LRRC49: variants seen among roughly 807,000 people sequenced by gnomAD.
LRRC49 encodes the protein leucine-rich repeat-containing protein 49.
In LRRC49, 50 loss-of-function variants were observed where a neutral mutation model predicts 83.3. The ratio of observed to expected loss-of-function variants is 0.60; its 90% confidence interval spans 0.48 to 0.76. The LOEUF is 0.76. LRRC49 is among the 30% of genes least tolerant of loss of function. The pLI, the probability that LRRC49 is intolerant of heterozygous loss-of-function variation, is 0.00. For missense variants in LRRC49, 704 were observed against 809.1 expected, an observed-to-expected ratio of 0.87 and a Z score of 1.58; for synonymous variants, 286 against 283.3, an observed-to-expected ratio of 1.01 and a Z score of -0.10.
intron 8 of LRRC49, among the ~76,000 whole-genome samples, chr15:70,953,604 A>G (rs2036296111): frequency 6.6e-6 from 1 of 152,096 alleles, no homozygotes; most frequent in Admixed American, 6.5e-5. Flanking sequence ...TTTGGGGATG[A>G]TCATCTTGCA....
intron 8 of LRRC49, among the ~76,000 whole-genome samples, chr15:70,962,861 A>G (rs1042057179): frequency 6.6e-6 from 1 of 152,092 alleles, no homozygotes; most frequent in Non-Finnish European, 1.5e-5. Flanking sequence ...TGAGTATGAA[A>G]AGGAGAGGAT....
At chr15:70,893,018 G>C in intron 1 of LRRC49, 76 bp downstream of exon 1, 1 of 1,524,354 alleles carries the variant, frequency 6.6e-7, no homozygotes, top group Non-Finnish European at 9.1e-7. Context: ...TAGGAGATGG[G>C]CTGTATTATT....
At chr15:70,958,818 A>T (rs1340590287) in intron 8 of LRRC49, among the ~76,000 whole-genome samples, 1 of 152,202 alleles carries the variant, frequency 6.6e-6, no homozygotes, top group Non-Finnish European at 1.5e-5. Context: ...ACAAGCTCTG[A>T]GGTAAAATAA....
chr15:70,982,223 T>C (rs2037427231), intron 10 of LRRC49, among the ~76,000 whole-genome samples: 1 of 152,178 alleles, frequency 6.6e-6, no homozygotes. Context: ...TATGTCATTC[T>C]GAGTATTTCT....
intron 3 of LRRC49, among the ~76,000 whole-genome samples, chr15:70,898,967 A>G (rs913586401): frequency 6.6e-6 from 1 of 152,082 alleles, no homozygotes; most frequent in East Asian, 1.9e-4. Context: ...GTTATTTAGA[A>G]GGTCTTGTTG....
At chr15:70,998,464 C>T (rs1331135444) in intron 11 of LRRC49, among the ~76,000 whole-genome samples, 1 of 151,560 alleles carries the variant, frequency 6.6e-6, no homozygotes, top group Non-Finnish European at 1.5e-5. Context: ...TTTGGGTTGA[C>T]AGGTTTTTTT....
chr15:70,911,089 G>A (rs555278707), intron 5 of LRRC49, among the ~76,000 whole-genome samples: 4 of 152,188 alleles, frequency 2.6e-5, no homozygotes, highest in Non-Finnish European at 5.9e-5. Context: ...ATACCCTAAG[G>A]TGGAAATGTA....
chr15:70,914,446 G>T (rs1218669339), intron 6 of LRRC49, among the ~76,000 whole-genome samples: 1 of 152,138 alleles, frequency 6.6e-6, no homozygotes, highest in African/African-American at 2.4e-5. Context: ...TTCAGGAAAT[G>T]GATTGGGAAG....
intron 11 of LRRC49, among the ~76,000 whole-genome samples, chr15:70,991,336 A>G (rs937256163): frequency 6.6e-6 from 1 of 152,214 alleles, no homozygotes; most frequent in African/African-American, 2.4e-5. Context: ...TTAAATATAT[A>G]TTTGTACAGC....
At chr15:70,932,494 T>C (rs944650997) in intron 7 of LRRC49, among the ~76,000 whole-genome samples, 3 of 152,202 alleles carry the variant, frequency 2.0e-5, no homozygotes, top group African/African-American at 7.2e-5. Flanking sequence ...TAACTTGTTT[T>C]GTATGAAAGC....
At chr15:71,010,189 T>C (rs2038604004) in intron 13 of LRRC49, among the ~76,000 whole-genome samples, 197 bp downstream of exon 13, 1 of 151,856 alleles carries the variant, frequency 6.6e-6, no homozygotes, top group African/African-American at 2.4e-5. Flanking sequence ...ATTGTAAAAA[T>C]AAAATAGTAA....
chr15:70,966,084 A>C (rs1025194103), intron 9 of LRRC49, among the ~76,000 whole-genome samples: 6 of 152,168 alleles, frequency 3.9e-5, no homozygotes, highest in Non-Finnish European at 5.9e-5. Flanking sequence ...CTACAAGCCC[A>C]AAATATTTAT....
rs1317331293 is a variant in LRRC49, at chr15:70,998,785, C to G, written c.1170-9594C>G. On this transcript the variant is annotated intron_variant, in intron 11 of 15. Transcript: ENST00000260382. ...ATATTCTTTCTGCTTTTTTTTTTCT[C>G]TCATGTCTGTGCTTCCGAAACTCCC... Among the ~76,000 whole-genome samples the G allele has an allele frequency of 2.7e-5, 4 of 149,540 alleles. No individual in the cohort carries two copies. In the East Asian group the frequency reaches 5.9e-4, roughly 22 times the overall value.
intron 11 of LRRC49, among the ~76,000 whole-genome samples, chr15:70,986,241 T>C (rs1179446556): frequency 4.6e-5 from 7 of 151,822 alleles, no homozygotes; most frequent in Non-Finnish European, 8.8e-5. Context: ...GCCATTTTCA[T>C]GATATTGATT....
At chr15:70,910,906 G>A (rs535223826) in intron 5 of LRRC49, among the ~76,000 whole-genome samples, 122 of 152,216 alleles carry the variant, frequency 8.0e-4, no homozygotes, top group Non-Finnish European at 1.5e-3. Context: ...TTTAGGCTAC[G>A]ATCAATTCTG....
chr15:71,042,697 A>T (rs1567114373), intron 15 of LRRC49, among the ~76,000 whole-genome samples: 1 of 152,072 alleles, frequency 6.6e-6, no homozygotes, highest in Middle Eastern at 3.2e-3. Flanking sequence ...GGTTAAGCAG[A>T]CCCTTTCATT....
chr15:70,984,011 G>A, intron 10 of LRRC49, 83 bp from the exon 11 acceptor site: 1 of 965,242 alleles, frequency 1.0e-6, no homozygotes, highest in East Asian at 2.6e-5. Context: ...TTATAAGAAG[G>A]CACAAACAAT....
upstream of LRRC49, chr15:70,892,171 G>A (rs1795088028): frequency 5.6e-6 from 9 of 1,611,838 alleles, no homozygotes; most frequent in Non-Finnish European, 6.8e-6. Flanking sequence ...GCACGAAGCG[G>A]TCCCAGAGCA....
intron 6 of LRRC49, among the ~76,000 whole-genome samples, chr15:70,914,581 T>C (rs1316931939): frequency 1.3e-5 from 2 of 152,098 alleles, no homozygotes; most frequent in Non-Finnish European, 2.9e-5. Context: ...AGGGGGCAGA[T>C]TGGATAAATA....
Sources: gnomAD v4.1 joint callset for allele counts (sites outside exome capture counted in the v4.1 genomes callset) on GRCh38, gnomAD v4.1.1 for gene constraint, MANE v1.5 for transcripts, NCBI Gene and HGNC (gene_info 2026-07-23, HGNC 2026-07-21) for gene names.